The following GMDS variants were observed in gnomAD, a reference collection of about 807,000 sequenced individuals.
GMDS encodes GDP-mannose 4,6-dehydratase.
Under a neutral mutation model 49.9 loss-of-function variants are expected in GMDS, and 20 were observed. The observed-to-expected ratio is 0.40, with a 90% CI of 0.28 to 0.58. GMDS has a LOEUF of 0.58. Among genes scored for constraint, GMDS ranks in the 20% least tolerant of loss-of-function variants. The pLI, the probability that GMDS is intolerant of heterozygous loss-of-function variation, is 0.42. For synonymous variants in GMDS, 177 were observed against 178.6 expected, an observed-to-expected ratio of 0.99 and a Z score of 0.07; for missense variants, 362 against 481.4, an observed-to-expected ratio of 0.75 and a Z score of 2.32.
intron 9 of GMDS, among the ~76,000 whole-genome samples, chr6:1,681,251 C>A (rs900897796): frequency 9.2e-5 from 14 of 152,036 alleles, no homozygotes; most frequent in African/African-American, 3.4e-4. Context: ...CAGTGTCCTG[C>A]CACCCTGCCG....
intron 1 of GMDS, among the ~76,000 whole-genome samples, chr6:2,211,486 G>T (rs1238964304): frequency 6.6e-6 from 1 of 151,944 alleles, no homozygotes; most frequent in African/African-American, 2.4e-5. Flanking sequence ...TTAAACTTTA[G>T]ATAAGACTAA....
intron 4 of GMDS, among the ~76,000 whole-genome samples, chr6:1,988,044 A>C (rs1015372818): frequency 2.0e-4 from 30 of 152,230 alleles, no homozygotes; most frequent in Non-Finnish European, 3.4e-4. Context: ...ACACATACAC[A>C]TACATGCATA....
chr6:2,098,840 C>T (rs1773761055), intron 4 of GMDS, among the ~76,000 whole-genome samples: 1 of 152,034 alleles, frequency 6.6e-6, no homozygotes, highest in Admixed American at 6.5e-5. Flanking sequence ...ACTTGGGAAT[C>T]CAAGGTTTAA....
chr6:2,148,232 T>C (rs1383956714), intron 1 of GMDS, among the ~76,000 whole-genome samples: 1 of 152,182 alleles, frequency 6.6e-6, no homozygotes, highest in African/African-American at 2.4e-5. Flanking sequence ...AATTAAATGC[T>C]GGTATGACTA....
intron 7 of GMDS, among the ~76,000 whole-genome samples, chr6:1,863,671 TAGAC>T (rs1289069918): frequency 6.6e-6 from 1 of 152,190 alleles, no homozygotes; most frequent in Non-Finnish European, 1.5e-5. Context: ...ATTAAAGATT[TAGAC>T]AGGTTTACAA....
intron 1 of GMDS, among the ~76,000 whole-genome samples, chr6:2,179,847 A>G (rs868738307): frequency 6.6e-6 from 1 of 151,990 alleles, no homozygotes. Flanking sequence ...TCTTATACCA[A>G]TGTGAGTCCA....
At chr6:2,030,942 A>G (rs1430158853) in intron 4 of GMDS, among the ~76,000 whole-genome samples, 1 of 152,222 alleles carries the variant, frequency 6.6e-6, no homozygotes, top group Non-Finnish European at 1.5e-5. Context: ...CCTTTTATAA[A>G]CAAAATAAAT....
chr6:1,703,138 C>G (rs1765602524), intron 9 of GMDS, among the ~76,000 whole-genome samples: 1 of 152,126 alleles, frequency 6.6e-6, no homozygotes. Context: ...TCGGCAACTC[C>G]TGTGTGAAAC....
At position 2,035,105 on chromosome 6, in the gene GMDS, A is replaced by G. The variant is rs79370775; in HGVS notation, c.346-74139T>C. Among the ~76,000 whole-genome samples the G allele has an allele frequency of 7.7e-3, 1,167 of 152,302 alleles. 12 individuals carry two copies. The highest frequency in any genetic ancestry group is 0.026 in the African/African-American group (1,097 of 41,570). On this transcript the variant is annotated intron_variant, in intron 4 of 10. Coordinates refer to ENST00000380815, the MANE Select transcript of GMDS (RefSeq NM_001500.4). ...CTTATAGCTGAATAAAATTCTTCAC[A>G]CACACAACATCACATTGCTCCACAA...
chr6:2,000,314 C>G (rs9503066), intron 4 of GMDS, among the ~76,000 whole-genome samples: 68,449 of 150,454 alleles, frequency 0.45, 15,735 homozygotes, highest in African/African-American at 0.51. Context: ...GGATTACAGG[C>G]GTGAGCCACC....
At chr6:2,080,490 T>G (rs1287972044) in intron 4 of GMDS, among the ~76,000 whole-genome samples, 1 of 152,210 alleles carries the variant, frequency 6.6e-6, no homozygotes, top group African/African-American at 2.4e-5. Flanking sequence ...GTTTTGAACA[T>G]GTATCTATGG....
chr6:1,985,721 C>T (rs903526857), intron 4 of GMDS, among the ~76,000 whole-genome samples: 34 of 152,106 alleles, frequency 2.2e-4, no homozygotes, highest in African/African-American at 4.8e-5. Flanking sequence ...ATAGCAAGAA[C>T]AGACACCACA....
chr6:2,024,646 C>G (rs995006811), intron 4 of GMDS, among the ~76,000 whole-genome samples: 4 of 151,612 alleles, frequency 2.6e-5, no homozygotes, highest in African/African-American at 9.7e-5. Flanking sequence ...TTGTAACCAA[C>G]AGCCATGGAA....
At chr6:1,956,953 C>G (rs1294728300) in intron 6 of GMDS, among the ~76,000 whole-genome samples, 2 of 152,006 alleles carry the variant, frequency 1.3e-5, no homozygotes, top group African/African-American at 4.8e-5. Flanking sequence ...AGGCACCCAC[C>G]ACCACACTCA....
intron 7 of GMDS, among the ~76,000 whole-genome samples, chr6:1,866,416 G>C (rs1758444582): frequency 6.6e-6 from 1 of 152,164 alleles, no homozygotes; most frequent in Admixed American, 6.5e-5. Flanking sequence ...AATGTTAAGT[G>C]GTTGGAGCTA....
chr6:1,775,700 C>T (rs1768772939), intron 7 of GMDS, among the ~76,000 whole-genome samples: 1 of 152,160 alleles, frequency 6.6e-6, no homozygotes, highest in African/African-American at 2.4e-5. Context: ...TTCCATGTTG[C>T]TGTGAAATGC....
At chr6:1,978,535 G>A (rs1765045702) in intron 4 of GMDS, among the ~76,000 whole-genome samples, 1 of 152,130 alleles carries the variant, frequency 6.6e-6, no homozygotes, top group South Asian at 2.1e-4. Flanking sequence ...TCCTCCTTGT[G>A]GGGCGGGTCC....
In GMDS at chr6:2,076,254, T is replaced by A. The variant is rs1002462641; in HGVS notation, c.345+39517A>T. Among the ~76,000 whole-genome samples the A allele has an allele frequency of 2.6e-5, 4 of 152,158 alleles. No individual in the cohort carries two copies. The East Asian group carries it at 7.7e-4, about 29-fold the overall frequency. On this transcript the variant is annotated intron_variant, in intron 4 of 10. Transcript: ENST00000380815. ...TTTGCTGTGCAGAAGCTCTTTAGAT[T>A]AATTAGATCCCATACAAATGGAAGA...
At chr6:2,228,977 G>A (rs1780950508) in intron 1 of GMDS, among the ~76,000 whole-genome samples, 1 of 152,150 alleles carries the variant, frequency 6.6e-6, no homozygotes, top group Non-Finnish European at 1.5e-5. Flanking sequence ...TATGATTGAT[G>A]TGATGAAGTG....
Sources: gnomAD v4.1 joint callset for allele counts (sites outside exome capture counted in the v4.1 genomes callset) on GRCh38, gnomAD v4.1.1 for gene constraint, MANE v1.5 for transcripts, NCBI Gene and HGNC (gene_info 2026-07-23, HGNC 2026-07-21) for gene names.